Variants in IGSF10 observed in about 807,000 individuals in gnomAD.
The protein encoded by IGSF10 is calvaria mechanical force protein 608.
In IGSF10, 126 loss-of-function variants were observed where a neutral mutation model predicts 128.2. That is an observed-to-expected ratio of 0.98 (90% CI 0.85 to 1.14). The LOEUF (loss-of-function observed/expected upper bound fraction) is 1.14, where lower values mean the gene tolerates loss of function less well. IGSF10 is among the 50% of genes most tolerant of loss of function. The pLI, the probability that IGSF10 is intolerant of heterozygous loss-of-function variation, is 0.00. For missense variants in IGSF10, 3,295 were observed against 3,149.8 expected, an observed-to-expected ratio of 1.05 and a Z score of -1.10; for synonymous variants, 1,185 against 1,146.2, an observed-to-expected ratio of 1.03 and a Z score of -0.68.
chr3:151,498,307 T>G, the IGSF10 span, among the ~76,000 whole-genome samples: 1 of 152,196 alleles, frequency 6.6e-6, no homozygotes, highest in Non-Finnish European at 1.5e-5. Flanking sequence ...GCTATGGGTT[T>G]GTCATAGATA....
At chr3:151,439,410 T>G (rs1446000729) in intron 7 of IGSF10, among the ~76,000 whole-genome samples, 2 of 152,190 alleles carry the variant, frequency 1.3e-5, no homozygotes, top group East Asian at 3.9e-4. Flanking sequence ...GGCAGGAGTT[T>G]GAGACTAGCC....
At chr3:151,533,765 C>T in the IGSF10 span, among the ~76,000 whole-genome samples, 11 of 152,198 alleles carry the variant, frequency 7.2e-5, no homozygotes. Context: ...ATGACTAAAA[C>T]ACCAAAAGCA....
At chr3:151,530,389 A>C in the IGSF10 span, among the ~76,000 whole-genome samples, 1 of 152,110 alleles carries the variant, frequency 6.6e-6, no homozygotes, top group African/African-American at 2.4e-5. Context: ...CCTCAAGAAG[A>C]GCAACCCCAA....
Position 151,453,632 on chromosome 3 carries a change from C to A in IGSF10, c.467G>T (p.Arg156Leu), listed in dbSNP as rs138756085. 6.8e-4 allele frequency: 1,095 copies of A among 1,613,854 alleles called. No homozygotes were observed. The highest frequency in any genetic ancestry group is 8.6e-4 in the Non-Finnish European group (1,014 of 1,179,914). ...CTGATTTCCTTCCAAGTGCACCAGG[C>A]GGAGAAAGTTGAGCCCATAAAAAAC... is the stretch of plus-strand genomic sequence containing the variant. The part of the protein sequence containing the change: ...PEVFYGLNFL[R>L]LVHLEGNQLT... The change falls in exon 5 of 8, where the codon CGC becomes CTC. Residue 156 changes from arginine to leucine, a missense_variant. Coordinates refer to ENST00000282466, the MANE Select transcript of IGSF10 (RefSeq NM_178822.5).
chr3:151,599,553 T>C, the IGSF10 span, among the ~76,000 whole-genome samples: 1 of 152,180 alleles, frequency 6.6e-6, no homozygotes, highest in African/African-American at 2.4e-5. Flanking sequence ...CATTTGACTT[T>C]ATTGCGTCTT....
At chr3:151,598,109 G>GTGTA in the IGSF10 span, among the ~76,000 whole-genome samples, 1 of 148,146 alleles carries the variant, frequency 6.8e-6, no homozygotes, top group South Asian at 2.1e-4. Flanking sequence ...GTGTGTGTGT[G>GTGTA]TGAATACTTC....
At position 151,448,678 on chromosome 3, in the gene IGSF10, A is replaced by C. The variant is rs1204623510; in HGVS notation, c.1303T>G (p.Ser435Ala). 1.2e-6 allele frequency: 2 copies of C among 1,614,136 alleles called. No homozygotes were observed. Among genetic ancestry groups the C allele is most frequent in the East Asian group, 2.2e-5 (1 of 44,880 alleles). The change falls in exon 6 of 8, where the codon TCC (serine) becomes GCC (alanine). Residue 435 changes from serine to alanine, a missense_variant. Ser to Ala is a moderately conservative substitution (Grantham distance 99). Coordinates refer to ENST00000282466, the MANE Select transcript of IGSF10 (RefSeq NM_178822.5). ...DPSWLMQDQI[S>A]LQLNRTATTF... is the part of the protein sequence containing the mutation. ...GTGGCAGTTCTGTTCAGCTGCAAGG[A>C]AATTTGGTCTTGCATTAACCAAGAG...
chr3:151,569,053 C>A, the IGSF10 span, among the ~76,000 whole-genome samples: 17 of 152,124 alleles, frequency 1.1e-4, no homozygotes, highest in African/African-American at 3.9e-4. Flanking sequence ...TCTATTGCAA[C>A]AATACATTCT....
rs749517264 is a variant in IGSF10, at chr3:151,446,745, A to G, written c.3236T>C (p.Leu1079Ser). The G allele has an allele frequency of 5.0e-6, 8 of 1,614,010 alleles. No individual in the cohort carries two copies. In the East Asian group the frequency reaches 1.8e-4, roughly 36 times the overall value. ...RERLTTATAA[L>S]SFPSAAPITF... ...GATGGGAGCAGCACTTGGAAAAGAC[A>G]ATGCTGCTGTGGCAGTGGTGAGCCT... Residue 1079 changes from leucine to serine, a missense_variant, in exon 6 of 8, where the codon TTG (leucine) becomes TCG (serine). By Grantham distance (145) the Leu-to-Ser change is moderately radical. Transcript: ENST00000282466.
chr3:151,511,128 T>A, the IGSF10 span, among the ~76,000 whole-genome samples: 1 of 151,908 alleles, frequency 6.6e-6, no homozygotes, highest in Non-Finnish European at 1.5e-5. Flanking sequence ...ACAAAGATAC[T>A]CCTCGAGAAG....
At chr3:151,463,885 G>C (rs1165253655), upstream of IGSF10, among the ~76,000 whole-genome samples, 2 of 152,098 alleles carry the variant, frequency 1.3e-5, no homozygotes, top group Non-Finnish European at 2.9e-5. Context: ...AAAATTTGGA[G>C]AGTCCACAGC....
At chr3:151,520,888 T>C in the IGSF10 span, among the ~76,000 whole-genome samples, 1 of 151,524 alleles carries the variant, frequency 6.6e-6, no homozygotes, top group Non-Finnish European at 1.5e-5. Context: ...ATACTAACCT[T>C]GAATGTATAA....
At chr3:151,574,264 G>T in the IGSF10 span, among the ~76,000 whole-genome samples, 1 of 152,156 alleles carries the variant, frequency 6.6e-6, no homozygotes, top group South Asian at 2.1e-4. Context: ...ATGTTGGCCT[G>T]CCTTGCTAGG....
At chr3:151,530,665 G>T in the IGSF10 span, among the ~76,000 whole-genome samples, 60 of 152,290 alleles carry the variant, frequency 3.9e-4, no homozygotes, top group African/African-American at 1.3e-3. Context: ...AGCAAATGCT[G>T]AGAGATTTTG....
the IGSF10 span, among the ~76,000 whole-genome samples, chr3:151,530,723 A>G: frequency 0.47 from 70,797 of 152,064 alleles, 17,177 homozygotes; most frequent in African/African-American, 0.59. Flanking sequence ...AGCACTCAAC[A>G]TGGAAAGGAA....
At chr3:151,439,905 T>C (rs939659263) in intron 7 of IGSF10, among the ~76,000 whole-genome samples, 1 of 152,204 alleles carries the variant, frequency 6.6e-6, no homozygotes, top group Admixed American at 6.5e-5. Flanking sequence ...AAAACGTCTT[T>C]CTTATTTTTG....
upstream of IGSF10, among the ~76,000 whole-genome samples, chr3:151,463,096 C>G (rs1246656105): frequency 5.2e-4 from 79 of 152,278 alleles, no homozygotes; most frequent in Non-Finnish European, 7.4e-5. Flanking sequence ...GGGTCATTTT[C>G]TTGCTATCAA....
At chr3:151,532,319 T>C in the IGSF10 span, among the ~76,000 whole-genome samples, 5 of 152,144 alleles carry the variant, frequency 3.3e-5, no homozygotes, top group Admixed American at 6.6e-5. Context: ...GAATCCTAAT[T>C]CATTTTATGA....
rs374156022 is a variant in IGSF10, at chr3:151,456,986, C to T, written c.324+40G>A. 220 of 1,612,152 alleles carry T rather than the reference C, an allele frequency of 1.4e-4. No individual in the cohort carries two copies. The African/African-American group carries it at 2.7e-3, about 20-fold the overall frequency. On this transcript the variant is annotated intron_variant, in intron 4 of 7. Coordinates refer to ENST00000282466, the MANE Select transcript of IGSF10 (RefSeq NM_178822.5). ...TGAAGGTCTATCTCACAGGTCCCAC[C>T]TTACCTCTTTAACCTGCCCCCTCTC...
Sources: allele counts gnomAD v4.1 joint callset (sites outside exome capture counted in the v4.1 genomes callset), GRCh38; gene constraint gnomAD v4.1.1; transcripts MANE v1.5; gene names NCBI Gene and HGNC (gene_info 2026-07-23, HGNC 2026-07-21).